ARHGEF6: variants seen among roughly 807,000 people sequenced by gnomAD.
ARHGEF6 encodes rho guanine nucleotide exchange factor 6.
A neutral mutation model predicts 70.3 loss-of-function variants in ARHGEF6; 9 were observed. The ratio of observed to expected loss-of-function variants is 0.13; its 90% CI spans 0.08 to 0.22. The LOEUF is 0.22. ARHGEF6 is among the 10% of genes least tolerant of loss of function. The pLI, the probability that ARHGEF6 is intolerant of heterozygous loss-of-function variation, is 1.00. For missense variants in ARHGEF6, 470 were observed against 563.0 expected, an observed-to-expected ratio of 0.83 and a Z score of 1.67; for synonymous variants, 201 against 207.8, an observed-to-expected ratio of 0.97 and a Z score of 0.28.
chrX:136,717,360 T>C (rs759770946), intron 6 of ARHGEF6, among the ~76,000 whole-genome samples: 2 of 111,783 alleles, frequency 1.8e-5, no homozygotes, highest in Non-Finnish European at 3.8e-5. Context: ...GAGTTCTGTA[T>C]CTTGTGAAAT....
intron 2 of ARHGEF6, among the ~76,000 whole-genome samples, chrX:136,757,892 G>A (rs1363143786): frequency 9.0e-6 from 1 of 111,305 alleles, no homozygotes; most frequent in Non-Finnish European, 1.9e-5. Flanking sequence ...ATTCAAACAG[G>A]TATGTCTTCC....
chrX:136,764,789 T>A (rs1374231967), intron 2 of ARHGEF6, among the ~76,000 whole-genome samples: 1 of 112,229 alleles, frequency 8.9e-6, no homozygotes, highest in African/African-American at 3.2e-5. Flanking sequence ...AATGTAAATA[T>A]AAAGTTGATT....
At chrX:136,737,687 T>TAAA (rs745975738) in intron 5 of ARHGEF6, among the ~76,000 whole-genome samples, 6 of 92,063 alleles carry the variant, frequency 6.5e-5, no homozygotes, top group African/African-American at 2.4e-4. Context: ...GATCCCGTGT[T>TAAA]AAAAAAAAAA....
chrX:136,778,657 T>C (rs774902143), intron 2 of ARHGEF6, among the ~76,000 whole-genome samples: 8 of 110,371 alleles, frequency 7.2e-5, no homozygotes, highest in Admixed American at 3.9e-4. Context: ...GCCTGCCTAA[T>C]TTTTGTATTT....
intron 4 of ARHGEF6, 75 bp downstream of exon 4, chrX:136,745,148 T>C: frequency 8.6e-7 from 1 of 1,157,284 alleles, no homozygotes; most frequent in African/African-American, 1.8e-5. Context: ...TCTCACCACA[T>C]ATGGAGATGC....
At chrX:136,680,339 C>T (rs911474927) in intron 15 of ARHGEF6, among the ~76,000 whole-genome samples, 6 of 112,708 alleles carry the variant, frequency 5.3e-5, no homozygotes, top group African/African-American at 1.9e-4. Flanking sequence ...AGTGAGATGA[C>T]ATGGAGATGT....
Position 136,747,522 on chromosome X carries a change from T to G in ARHGEF6, c.320A>C (p.Asn107Thr). ...SKVLSTLLAVNKATEDQLSER... is the reference protein window; with the variant it reads ...SKVLSTLLAVTKATEDQLSER... ...GCCCGGCTTACCTTCTGTTGCTTTG[T>G]TGACAGCTAAAAGAGTACTCAGTAC... The change falls in exon 3 of 22, where the codon AAC (asparagine) becomes ACC (threonine). Residue 107 changes from asparagine (N) to threonine (T), a missense_variant. Around this residue, in one of 3 missense-constraint regions of ARHGEF6, gnomAD observed 379 missense variants for 449.3 expected, o/e 0.84. Coordinates refer to ENST00000250617, the MANE Select transcript of ARHGEF6 (RefSeq NM_004840.3). 7.4e-6 allele frequency: 9 copies of G among 1,208,476 alleles called. No homozygotes were observed. The highest frequency in any genetic ancestry group is 1.0e-5 in the Non-Finnish European group (9 of 893,548).
rs759830957 is a variant in ARHGEF6 at position 136,744,031 on chromosome X, T to C, written c.460-245A>G. ...TTTGAAGTGGGTCATAGCTTTCATT[T>C]TTCTCTCCACACCCCTCCCCATTAT... On this transcript the variant is annotated intron_variant, in intron 4 of 21. Transcript: ENST00000250617. Among the ~76,000 whole-genome samples, 4 of 111,624 alleles carry C rather than the reference T, an allele frequency of 3.6e-5. No individual in the cohort carries two copies. In the East Asian group the frequency reaches 1.1e-3, roughly 31 times the overall value.
At chrX:136,672,719 C>A (rs2076237945) in intron 19 of ARHGEF6, among the ~76,000 whole-genome samples, 3 of 112,282 alleles carry the variant, frequency 2.7e-5, no homozygotes, top group Non-Finnish European at 5.6e-5. Context: ...GTCCTCTGCC[C>A]AGAATGTCTC....
chrX:136,678,628 GA>G, intron 16 of ARHGEF6, among the ~76,000 whole-genome samples: 1 of 111,453 alleles, frequency 9.0e-6, no homozygotes, highest in East Asian at 2.8e-4. Context: ...ACAATTAATC[GA>G]AACAAAAGCA....
intron 10 of ARHGEF6, 24 bp from the exon 11 acceptor site, chrX:136,688,015 A>G (rs1451596068): frequency 1.7e-6 from 2 of 1,144,659 alleles, no homozygotes; most frequent in South Asian, 3.6e-5. Context: ...ACATTTGAAA[A>G]CAATGTTAGA....
Position 136,732,083 on chromosome X carries a change from T to A in ARHGEF6, c.732+19A>T, listed in dbSNP as rs1230595839. Reference sequence around the variant, plus strand: ...CATATAGAGTCAAGAAAATTTTTATTCATCATCTGAACACTTACCACAGTA... The same window carrying A: ...CATATAGAGTCAAGAAAATTTTTATACATCATCTGAACACTTACCACAGTA... On this transcript the variant is annotated intron_variant, in intron 6 of 21. Transcript: ENST00000250617. 8.5e-7 allele frequency: 1 copy of A among 1,178,739 alleles called. No individual in the cohort carries two copies. The highest frequency in any genetic ancestry group is 2.2e-5 in the Admixed American group (1 of 45,282).
At chrX:136,766,937 G>A (rs1179344661) in intron 2 of ARHGEF6, among the ~76,000 whole-genome samples, 1 of 112,260 alleles carries the variant, frequency 8.9e-6, no homozygotes, top group Non-Finnish European at 1.9e-5. Flanking sequence ...CTCGCTCTGC[G>A]TCCTTGGCCC....
In ARHGEF6 at chrX:136,723,841, C is replaced by T. The variant is rs764471955; in HGVS notation, c.732+8261G>A. On this transcript the variant is annotated intron_variant, in intron 6 of 21. Coordinates refer to ENST00000250617, the MANE Select transcript of ARHGEF6 (RefSeq NM_004840.3). Reference sequence around the variant, plus strand: ...TTGGAAGGCTGAGGCAGGAAGATTGCTTTTACCTGGGAGGTGGAGGTTGCA... The same window carrying T: ...TTGGAAGGCTGAGGCAGGAAGATTGTTTTTACCTGGGAGGTGGAGGTTGCA... Among the ~76,000 whole-genome samples, 81 of 110,918 alleles carry T rather than the reference C, an allele frequency of 7.3e-4. 1 individual carries two copies. The highest frequency in any genetic ancestry group is 3.5e-3 in the Admixed American group (37 of 10,432).
At chrX:136,725,599 GAGA>G (rs1316718865) in intron 6 of ARHGEF6, among the ~76,000 whole-genome samples, 1 of 111,756 alleles carries the variant, frequency 8.9e-6, no homozygotes, top group Admixed American at 9.5e-5. Flanking sequence ...GAAGCAGACA[GAGA>G]AGGCTATGTG....
chrX:136,675,677 G>T lies in ARHGEF6; in HGVS notation c.1946-581C>A, dbSNP rs113564529. Among the ~76,000 whole-genome samples, 1,067 of 109,472 alleles carry T rather than the reference G, an allele frequency of 9.7e-3. 7 individuals are homozygous for T. Among genetic ancestry groups the T allele is most frequent in the Middle Eastern group, 0.037 (8 of 215 alleles). ...ACTACAGGCACCCGCCACCACACCC[G>T]GCTAATTTTTTTTGTATTTTTTTTA... On this transcript the variant is annotated intron_variant, in intron 18 of 21. Coordinates refer to ENST00000250617, the MANE Select transcript of ARHGEF6 (RefSeq NM_004840.3).
chrX:136,667,722 C>T lies in ARHGEF6; in HGVS notation c.*307G>A. On this transcript the variant is annotated 3_prime_UTR_variant, in exon 22 of 22. Coordinates refer to ENST00000250617, the MANE Select transcript of ARHGEF6 (RefSeq NM_004840.3). ...CCTTTTAAGTAACTGGCCTGCATTCCCTTTCTCTTTCTTACTGAATGGAAA... is the reference window on the plus strand; with the variant it reads ...CCTTTTAAGTAACTGGCCTGCATTCTCTTTCTCTTTCTTACTGAATGGAAA... 1 of 336,546 alleles carries T rather than the reference C, an allele frequency of 3.0e-6. No individual in the cohort carries two copies. 27.7% of individuals were successfully genotyped at this position (336,546 alleles called of 1,213,427 possible).
chrX:136,686,629 T>TATATATATACAC (rs2076396638), intron 11 of ARHGEF6, among the ~76,000 whole-genome samples: 8 of 74,122 alleles, frequency 1.1e-4, no homozygotes, highest in African/African-American at 6.1e-4. Flanking sequence ...TATACACATA[T>TATATATATACAC]ATATATATAT....
At chrX:136,674,425 C>T (rs1176672639) in intron 19 of ARHGEF6, among the ~76,000 whole-genome samples, 1 of 112,476 alleles carries the variant, frequency 8.9e-6, no homozygotes, top group Non-Finnish European at 1.9e-5. Context: ...TATTATCTTG[C>T]TTTCAGTTTG....
Sources: gnomAD v4.1 joint callset for allele counts (sites outside exome capture counted in the v4.1 genomes callset) on GRCh38, gnomAD v4.1.1 for gene constraint, gnomAD v4.1.1 regional missense constraint, MANE v1.5 for transcripts, NCBI Gene and HGNC (gene_info 2026-07-23, HGNC 2026-07-21) for gene names.